The following FBXO5 variants were observed in gnomAD, a reference collection of about 807,000 sequenced individuals.
FBXO5 encodes the protein F-box only protein 5.
Under a neutral mutation model 43.3 loss-of-function variants are expected in FBXO5, and 8 were observed. The observed-to-expected ratio is 0.18, with a 90% CI of 0.11 to 0.33. The LOEUF (loss-of-function observed/expected upper bound fraction) is 0.33, where lower values mean the gene tolerates loss of function less well. FBXO5 is among the 10% of genes least tolerant of loss of function. The probability of loss-of-function intolerance (pLI) is 1.00; values close to 1 mark genes in which losing one functional copy is unlikely to be tolerated. For missense variants in FBXO5, 491 were observed against 535.7 expected, an observed-to-expected ratio of 0.92 and a Z score of 0.82; for synonymous variants, 204 against 193.7, an observed-to-expected ratio of 1.05 and a Z score of -0.44.
intron 1 of FBXO5, among the ~76,000 whole-genome samples, chr6:152,981,644 TAG>T (rs1029359611): frequency 2.0e-5 from 3 of 149,794 alleles, no homozygotes; most frequent in African/African-American, 2.5e-5. Flanking sequence ...TAAAGACAAT[TAG>T]AGTTATCAAA....
At position 152,978,049 on chromosome 6, in the gene FBXO5, C is replaced by CAT. The variant is rs200777770; in HGVS notation, c.104-2429_104-2428insAT. Among the ~76,000 whole-genome samples, 1,260 of 152,094 alleles carry CAT rather than the reference C, an allele frequency of 8.3e-3. 11 individuals carry two copies. The highest frequency in any genetic ancestry group is 0.028 in the African/African-American group (1,165 of 41,476). ...CACACTGAAGTGTAGCTTAGTTTGCCCAATACAGGCAGTTAATTAAATGAG... is the reference window on the plus strand; with the variant it reads ...CACACTGAAGTGTAGCTTAGTTTGCCATCAATACAGGCAGTTAATTAAATGAG... On this transcript the variant is annotated intron_variant, in intron 1 of 4. Coordinates refer to ENST00000229758, the MANE Select transcript of FBXO5 (RefSeq NM_012177.5).
Position 152,970,636 on chromosome 6 carries a change from CAG to C in FBXO5, c.*525_*526del, listed in dbSNP as rs1252345454. Reference sequence around the variant, plus strand: ...TTACATGTATACAAAAATATTAAAACAGATTTCAGAAATAAGGAAAACAAGCA... The same window carrying C: ...TTACATGTATACAAAAATATTAAAACATTTCAGAAATAAGGAAAACAAGCA... On this transcript the variant is annotated 3_prime_UTR_variant, in exon 5 of 5. Coordinates refer to ENST00000229758, the MANE Select transcript of FBXO5 (RefSeq NM_012177.5). The C allele has an allele frequency of 2.0e-5, 3 of 152,010 alleles. No individual in the cohort carries two copies. Among genetic ancestry groups the C allele is most frequent in the Non-Finnish European group, 4.4e-5 (3 of 68,040 alleles). 9.4% of individuals were successfully genotyped at this position (152,010 alleles called of 1,614,324 possible).
At position 152,972,524 on chromosome 6, in the gene FBXO5, T is replaced by G. The variant is rs1051199464; in HGVS notation, c.910-70A>C. ...GTATCCTCAATGAGACATTTTTATG[T>G]TTGTACATATAAGAAATGACAAACA... On this transcript the variant is annotated intron_variant, in intron 3 of 4. Transcript: ENST00000229758. 5.6e-6 allele frequency: 6 copies of G among 1,072,284 alleles called. No individual in the cohort carries two copies. In the African/African-American group the frequency reaches 6.4e-5, roughly 11 times the overall value. The allele number at this position is 1,072,284 out of a possible 1,614,324, so 66.4% of individuals were successfully genotyped here.
chr6:152,972,470 G>T lies in FBXO5; in HGVS notation c.910-16C>A. 1 of 1,532,242 alleles carries T rather than the reference G, an allele frequency of 6.5e-7. No individual in the cohort carries two copies. 94.9% of individuals were successfully genotyped at this position (1,532,242 alleles called of 1,614,324 possible). On this transcript the variant is annotated splice_polypyrimidine_tract_variant and intron_variant, in intron 3 of 4. Transcript: ENST00000229758. ...TGTTGTTTTCCTAATTTAAAAAAAA[G>T]TTTTAATAGAATTTAGAAATTATTT...
rs1444535897 is a variant in FBXO5 at position 152,975,030 on chromosome 6, T to C, written c.695A>G (p.Gln232Arg). ...EIIARGNFRL[Q>R]NIIGRKMGLE... ...GCCCATTTTTCTGCCAATTATATTCTGCAGTCTAAAATTTCCTCTGGCTAT... is the reference window on the plus strand; with the variant it reads ...GCCCATTTTTCTGCCAATTATATTCCGCAGTCTAAAATTTCCTCTGGCTAT... Residue 232 changes from glutamine to arginine, a missense_variant, in exon 2 of 5, where the codon CAG (glutamine) becomes CGG (arginine). Gln to Arg is a conservative substitution (Grantham distance 43). Transcript: ENST00000229758. 1 of 1,614,060 alleles carries C rather than the reference T, an allele frequency of 6.2e-7. No homozygotes were observed. Among genetic ancestry groups the C allele is most frequent in the Non-Finnish European group, 8.5e-7 (1 of 1,180,028 alleles).
chr6:152,982,996 C>T lies in FBXO5; in HGVS notation c.-37G>A. 10 of 1,296,270 alleles carry T rather than the reference C, an allele frequency of 7.7e-6. No homozygotes were observed. Among genetic ancestry groups the T allele is most frequent in the Non-Finnish European group, 9.0e-6 (9 of 1,002,654 alleles). 80.3% of individuals were successfully genotyped at this position (1,296,270 alleles called of 1,614,324 possible). A position where few individuals can be genotyped will look rare whatever the true frequency, so the allele number is the denominator to read the frequency against. On this transcript the variant is annotated 5_prime_UTR_variant, in exon 1 of 5. Transcript: ENST00000229758. ...TGGAGTCTGCCTCAGGTGGAGGAAC[C>T]GCTCCGGGGGCAGCTGAGCAACCTG...
chr6:152,974,800 G>C (rs1369589841), intron 2 of FBXO5, 107 bp downstream of exon 2: 1 of 841,350 alleles, frequency 1.2e-6, no homozygotes, highest in African/African-American at 1.7e-5. Context: ...TTTCAGATGA[G>C]GGACACTCAA....
At chr6:152,974,772 T>C (rs894024499) in intron 2 of FBXO5, 135 bp downstream of exon 2, 3 of 679,066 alleles carry the variant, frequency 4.4e-6, no homozygotes, top group South Asian at 4.4e-5. Flanking sequence ...ACATCTGAAA[T>C]CCTTCTGGTA....
intron 1 of FBXO5, among the ~76,000 whole-genome samples, chr6:152,980,625 CAGAAGT>C (rs1253103440): frequency 6.6e-6 from 1 of 151,990 alleles, no homozygotes; most frequent in Non-Finnish European, 1.5e-5. Flanking sequence ...GTGTTTATGA[CAGAAGT>C]AGAGTGTGGG....
rs1778286129 is a variant in FBXO5, at chr6:152,982,900, G to A, written c.60C>T (p.Ser20=). The change falls in exon 1 of 5, where the codon AGC becomes AGT. Residue 20 remains serine (S), a synonymous_variant. Coordinates refer to ENST00000229758, the MANE Select transcript of FBXO5 (RefSeq NM_012177.5). The part of the protein sequence containing the change: ...LRPPRCSCSA[S]PSAVTAAGRP... ...GCCCGGCGGCTGTCACTGCGCTGGG[G>A]CTGGCGCTGCAGGAGCAGCGGGGTG... 3.3e-6 allele frequency: 5 copies of A among 1,502,822 alleles called. No homozygotes were observed. The Admixed American group carries it at 8.3e-5, about 25-fold the overall frequency. The allele number at this position is 1,502,822 out of a possible 1,614,324, so 93.1% of individuals were successfully genotyped here. A position where few individuals can be genotyped will look rare whatever the true frequency, so the allele number is the denominator to read the frequency against.
At chr6:152,977,148 T>C (rs1404571346) in intron 1 of FBXO5, among the ~76,000 whole-genome samples, 3 of 152,194 alleles carry the variant, frequency 2.0e-5, no homozygotes, top group Non-Finnish European at 4.4e-5. Flanking sequence ...TTCAGAAAAC[T>C]GTTTAGCATT....
rs1778148650 is a variant in FBXO5 at position 152,975,223 on chromosome 6, TCTC to T, written c.499_501del (p.Glu167del). 1.2e-6 allele frequency: 2 copies of T among 1,614,152 alleles called. No individual in the cohort carries two copies. Among genetic ancestry groups the T allele is most frequent in the Non-Finnish European group, 8.5e-7 (1 of 1,180,014 alleles). Reference sequence around the variant, plus strand: ...CAGGATTGTAGACTGTCACCGAAATTCTCCTCCAGGAGGCTACCTTCTTCATGT... The same window carrying T: ...CAGGATTGTAGACTGTCACCGAAATTCTCCAGGAGGCTACCTTCTTCATGT... On this transcript the variant is annotated inframe_deletion, in exon 2 of 5. Transcript: ENST00000229758.
At position 152,982,952 on chromosome 6, in the gene FBXO5, C is replaced by T. The variant is rs1778288612; in HGVS notation, c.8G>A (p.Arg3Gln). 4.3e-6 allele frequency: 6 copies of T among 1,410,886 alleles called. No individual in the cohort carries two copies. Among genetic ancestry groups the T allele is most frequent in the Non-Finnish European group, 4.6e-6 (5 of 1,091,392 alleles). 87.4% of individuals were successfully genotyped at this position (1,410,886 alleles called of 1,614,324 possible). Residue 3 changes from arginine (R) to glutamine (Q), a missense_variant, in exon 1 of 5, where the codon CGG (arginine) becomes CAG (glutamine). By Grantham distance (43) the Arg-to-Gln change is conservative. Coordinates refer to ENST00000229758, the MANE Select transcript of FBXO5 (RefSeq NM_012177.5). MS[R>Q]RPCSCALRPP... ...CCGTAGGGCGCAGCTGCAGGGGCGC[C>T]GGCTCATGCCAGCCGACGTGGAGTC...
chr6:152,971,228 C>T lies in FBXO5; in HGVS notation c.1279G>A (p.Ala427Thr), dbSNP rs1177944599. The T allele has an allele frequency of 6.2e-6, 10 of 1,613,754 alleles. No homozygotes were observed. Among genetic ancestry groups the T allele is most frequent in the Non-Finnish European group, 7.6e-6 (9 of 1,179,910 alleles). ...GGCAGGGGACCTATTTTACAACTGG[C>T]TTTGAGGAGCTTGCCATCTGAACAG... is the stretch of plus-strand genomic sequence containing the variant. ...KDCSDGKLLK[A>T]SCKIGPLPGT... is the part of the protein sequence containing the mutation. The change falls in exon 5 of 5, where the codon GCC becomes ACC. Residue 427 changes from alanine (A) to threonine (T), a missense_variant. By Grantham distance (58) the Ala-to-Thr change is moderately conservative (BLOSUM62 0). Transcript: ENST00000229758.
In FBXO5 at chr6:152,971,241, G is replaced by C; in HGVS notation, c.1266C>G (p.Gly422=). 1 of 1,613,908 alleles carries C rather than the reference G, an allele frequency of 6.2e-7. No homozygotes were observed. Among genetic ancestry groups the C allele is most frequent in the Non-Finnish European group, 8.5e-7 (1 of 1,179,894 alleles). The change falls in exon 5 of 5, where the codon GGC becomes GGG. Residue 422 remains glycine (G), a synonymous_variant. Transcript: ENST00000229758. ...NYHTTKDCSD[G]KLLKASCKIG... ...TTTTACAACTGGCTTTGAGGAGCTT[G>C]CCATCTGAACAGTCTTTAGTAGTAT...
At chr6:152,971,779 ACAT>A (rs1254842155) in intron 4 of FBXO5, among the ~76,000 whole-genome samples, 1 of 152,192 alleles carries the variant, frequency 6.6e-6, no homozygotes, top group Non-Finnish European at 1.5e-5. Flanking sequence ...ATTTTAGCAC[ACAT>A]CATTCACTGA....
At chr6:152,981,142 G>C (rs1427397247) in intron 1 of FBXO5, among the ~76,000 whole-genome samples, 1 of 152,170 alleles carries the variant, frequency 6.6e-6, no homozygotes, top group African/African-American at 2.4e-5. Flanking sequence ...CTTTTGACTA[G>C]CTTTGTGAAC....
intron 1 of FBXO5, among the ~76,000 whole-genome samples, chr6:152,981,949 C>T (rs1358336298): frequency 6.6e-6 from 1 of 152,104 alleles, no homozygotes; most frequent in Admixed American, 6.5e-5. Context: ...TCTCTGCAAG[C>T]TTTGAAATAA....
Position 152,975,519 on chromosome 6 carries a change from C to T in FBXO5, c.206G>A (p.Gly69Glu), listed in dbSNP as rs763852085. The change falls in exon 2 of 5, where the codon GGA becomes GAA. Residue 69 changes from glycine to glutamate, a missense_variant. Gly to Glu is a moderately conservative substitution (Grantham distance 98). Coordinates refer to ENST00000229758, the MANE Select transcript of FBXO5 (RefSeq NM_012177.5). ...GLKLVKPDDI[G>E]RLVSYTPAYL... ...TGCAGGGGTGTAGGAAACTAGTCTT[C>T]CAATGTCATCAGGTTTTACCAGTTT... 10 of 1,613,716 alleles carry T rather than the reference C, an allele frequency of 6.2e-6. No homozygotes were observed. In the Admixed American group the frequency reaches 1.3e-4, roughly 22 times the overall value.
Sources: allele counts gnomAD v4.1 joint callset (sites outside exome capture counted in the v4.1 genomes callset), GRCh38; gene constraint gnomAD v4.1.1; transcripts MANE v1.5; gene names NCBI Gene and HGNC (gene_info 2026-07-23, HGNC 2026-07-21).